IL10RB: variants seen among roughly 807,000 people sequenced by gnomAD.
IL10RB encodes the protein interleukin-10 receptor subunit beta.
IL10RB carries 30 observed loss-of-function variants against 38.7 expected under a neutral mutation model. That is an observed-to-expected ratio of 0.78 (90% CI 0.58 to 1.05). IL10RB has a LOEUF of 1.05. Among genes scored for constraint, IL10RB ranks in the 50% least tolerant of loss-of-function variants. The pLI, the probability that IL10RB is intolerant of heterozygous loss-of-function variation, is 0.00. For synonymous variants in IL10RB, 142 were observed against 145.9 expected, an observed-to-expected ratio of 0.97 and a Z score of 0.19; for missense variants, 328 against 397.1, an observed-to-expected ratio of 0.83 and a Z score of 1.48.
chr21:33,279,380 A>G (rs1047227025), intron 3 of IL10RB, among the ~76,000 whole-genome samples: 1 of 152,244 alleles, frequency 6.6e-6, no homozygotes, highest in Non-Finnish European at 1.5e-5. Context: ...CATCCTGAAA[A>G]AGGAAATAAA....
downstream of IL10RB, among the ~76,000 whole-genome samples, chr21:33,300,912 C>T (rs915411116): frequency 4.6e-5 from 7 of 152,188 alleles, no homozygotes; most frequent in African/African-American, 1.4e-4. Context: ...TTTTAAACCA[C>T]CCAGCTTGCG....
intron 6 of IL10RB, among the ~76,000 whole-genome samples, chr21:33,290,021 G>A (rs1435377308): frequency 2.0e-5 from 3 of 152,174 alleles, no homozygotes; most frequent in African/African-American, 7.2e-5. Flanking sequence ...GGCTGAGGCA[G>A]GAGAATGGCG....
Position 33,296,429 on chromosome 21 carries a change from C to A in IL10RB, c.*72C>A. 2 of 1,488,966 alleles carry A rather than the reference C, an allele frequency of 1.3e-6. No individual in the cohort carries two copies. Among genetic ancestry groups the A allele is most frequent in the South Asian group, 1.1e-5 (1 of 87,722 alleles). 92.2% of individuals were successfully genotyped at this position (1,488,966 alleles called of 1,614,324 possible). A position where few individuals can be genotyped will look rare whatever the true frequency, so the allele number is the denominator to read the frequency against. On this transcript the variant is annotated 3_prime_UTR_variant, in exon 7 of 7. Transcript: ENST00000290200. ...TCTCACATCTGCCTCAGTGAGGGATCAGGGCAGCAAACAAGGGCCAAGACC... is the reference window on the plus strand; with the variant it reads ...TCTCACATCTGCCTCAGTGAGGGATAAGGGCAGCAAACAAGGGCCAAGACC...
At chr21:33,272,852 C>T (rs1214108900) in intron 2 of IL10RB, among the ~76,000 whole-genome samples, 3 of 152,214 alleles carry the variant, frequency 2.0e-5, no homozygotes, top group Non-Finnish European at 2.9e-5. Context: ...TTGTATTTCC[C>T]TAGCATCCAA....
intron 2 of IL10RB, among the ~76,000 whole-genome samples, chr21:33,273,357 A>G (rs1989114316): frequency 6.6e-6 from 1 of 152,234 alleles, no homozygotes; most frequent in Non-Finnish European, 1.5e-5. Context: ...AATTATGTTT[A>G]TACTGTAGTC....
chr21:33,290,111 C>G (rs1989456783), intron 6 of IL10RB, among the ~76,000 whole-genome samples: 2 of 149,746 alleles, frequency 1.3e-5, no homozygotes, highest in African/African-American at 5.0e-5. Context: ...GAGACTCCGT[C>G]TCAAAAAAAA....
intron 5 of IL10RB, 136 bp downstream of exon 5, chr21:33,283,377 TG>T (rs2123584703): frequency 2.2e-6 from 2 of 902,100 alleles, no homozygotes; most frequent in South Asian, 2.8e-5. Flanking sequence ...CAGCCCTGAC[TG>T]CTCAGCTTCA....
At position 33,288,155 on chromosome 21, in the gene IL10RB, T is replaced by C. The variant is rs142552677; in HGVS notation, c.698T>C (p.Met233Thr). 5 of 1,614,000 alleles carry C rather than the reference T, an allele frequency of 3.1e-6. No individual in the cohort carries two copies. Among genetic ancestry groups the C allele is most frequent in the African/African-American group, 1.3e-5 (1 of 74,914 alleles). Reference sequence around the variant, plus strand: ...GTCATCCTCATGGCCTCGGTCTTCATGGTCTGCCTGGCACTCCTCGGCTGC... The same window carrying C: ...GTCATCCTCATGGCCTCGGTCTTCACGGTCTGCCTGGCACTCCTCGGCTGC... Reference protein sequence around the residue: ...VAVILMASVFMVCLALLGCFA... With the variant: ...VAVILMASVFTVCLALLGCFA... The change falls in exon 6 of 7, where the codon ATG becomes ACG. Residue 233 changes from methionine (M) to threonine (T), a missense_variant. Physicochemically the swap from Met to Thr is moderately conservative, Grantham distance 81. Coordinates refer to ENST00000290200, the MANE Select transcript of IL10RB (RefSeq NM_000628.5).
rs975818818 is a variant in IL10RB, at chr21:33,267,519, T to G, written c.50-875T>G. ...GTTTGTTTGTTTTTTTGTTTTTTTG[T>G]TTTTTTTTGAGACAGGGTTTTGCTC... On this transcript the variant is annotated intron_variant, in intron 1 of 6. Coordinates refer to ENST00000290200, the MANE Select transcript of IL10RB (RefSeq NM_000628.5). Among the ~76,000 whole-genome samples the G allele has an allele frequency of 8.6e-4, 23 of 26,720 alleles. 2 individuals carry two copies. The highest frequency in any genetic ancestry group is 1.5e-3 in the African/African-American group (22 of 14,836). 17.5% of individuals were successfully genotyped at this position (26,720 alleles called of 152,430 possible). A position where few individuals can be genotyped will look rare whatever the true frequency, so the allele number is the denominator to read the frequency against.
chr21:33,307,335 C>T (rs182816446), intron 1 of IL10RB, among the ~76,000 whole-genome samples: 10 of 152,312 alleles, frequency 6.6e-5, no homozygotes, highest in Admixed American at 2.6e-4. Flanking sequence ...CAGGCTATGA[C>T]GCACATAGCA....
intron 5 of IL10RB, among the ~76,000 whole-genome samples, chr21:33,286,074 A>C (rs1230682070): frequency 6.6e-6 from 1 of 152,138 alleles, no homozygotes; most frequent in Non-Finnish European, 1.5e-5. Context: ...GAATGAAAGC[A>C]CAAGAGAACG....
chr21:33,300,373 G>T (rs2082982670), downstream of IL10RB, among the ~76,000 whole-genome samples: 1 of 151,598 alleles, frequency 6.6e-6, no homozygotes, highest in Non-Finnish European at 1.5e-5. Context: ...CCCGGGAGGC[G>T]GAGGTTGCAG....
chr21:33,284,022 G>A (rs1355353858), intron 5 of IL10RB, among the ~76,000 whole-genome samples: 2 of 152,178 alleles, frequency 1.3e-5, no homozygotes, highest in Non-Finnish European at 2.9e-5. Flanking sequence ...TCTGCCGGAC[G>A]TGGTGGCTCA....
chr21:33,282,543 A>G (rs920013320), intron 4 of IL10RB, among the ~76,000 whole-genome samples: 2 of 152,302 alleles, frequency 1.3e-5, no homozygotes, highest in Admixed American at 1.3e-4. Flanking sequence ...CTCAAAAAAA[A>G]TAATAATTAA....
At chr21:33,273,941 A>G in intron 2 of IL10RB, among the ~76,000 whole-genome samples, 1 of 152,114 alleles carries the variant, frequency 6.6e-6, no homozygotes, top group East Asian at 1.9e-4. Flanking sequence ...ATCTGCAGTT[A>G]CTTCCTCCAC....
At position 33,268,718 on chromosome 21, in the gene IL10RB, A is replaced by G. The variant is rs186998334; in HGVS notation, c.173+201A>G. Reference sequence around the variant, plus strand: ...TTCTCTTTTAGGTTTTCTAGTTGTGATGGTTGACGATTTGACTGTTAATCA... The same window carrying G: ...TTCTCTTTTAGGTTTTCTAGTTGTGGTGGTTGACGATTTGACTGTTAATCA... On this transcript the variant is annotated intron_variant, in intron 2 of 6. Coordinates refer to ENST00000290200, the MANE Select transcript of IL10RB (RefSeq NM_000628.5). Among the ~76,000 whole-genome samples, 1,230 of 152,216 alleles carry G rather than the reference A, an allele frequency of 8.1e-3. 18 individuals carry two copies. The highest frequency in any genetic ancestry group is 0.028 in the African/African-American group (1,181 of 41,526).
intron 4 of IL10RB, among the ~76,000 whole-genome samples, chr21:33,282,250 C>A (rs563766983): frequency 6.6e-6 from 1 of 152,054 alleles, no homozygotes; most frequent in Non-Finnish European, 1.5e-5. Flanking sequence ...TAACCAATTG[C>A]GACTGGGTGT....
chr21:33,302,122 A>G (rs970385390), downstream of IL10RB, among the ~76,000 whole-genome samples: 31 of 152,244 alleles, frequency 2.0e-4, no homozygotes, highest in African/African-American at 7.0e-4. Context: ...GAGAAGTCAC[A>G]TGGCTAGGAC....
chr21:33,302,361 T>C (rs1309115257), intron 1 of IL10RB, among the ~76,000 whole-genome samples: 1 of 152,258 alleles, frequency 6.6e-6, no homozygotes, highest in Admixed American at 6.5e-5. Flanking sequence ...GGTTCCCCGA[T>C]GACTGCTCCA....
Sources: gnomAD v4.1 joint callset for allele counts (sites outside exome capture counted in the v4.1 genomes callset) on GRCh38, gnomAD v4.1.1 for gene constraint, MANE v1.5 for transcripts, NCBI Gene and HGNC (gene_info 2026-07-23, HGNC 2026-07-21) for gene names.